RTN3: variants seen among roughly 807,000 people sequenced by gnomAD.
The protein encoded by RTN3 is reticulon 3.
RTN3 carries 49 observed loss-of-function variants against 77.8 expected under a neutral mutation model. That is an observed-to-expected ratio of 0.63 (90% confidence interval 0.50 to 0.80). The LOEUF is 0.80. RTN3 is among the 30% of genes least tolerant of loss of function. The probability of loss-of-function intolerance (pLI) is 0.00; values close to 1 mark genes in which losing one functional copy is unlikely to be tolerated. For synonymous variants in RTN3, 464 were observed against 446.9 expected (o/e 1.04, Z -0.48); for missense variants, 1,236 against 1,211.9 (o/e 1.02, Z -0.29).
intron 3 of RTN3, among the ~76,000 whole-genome samples, chr11:63,729,831 C>T (rs1222794622): frequency 6.6e-6 from 1 of 151,504 alleles, no homozygotes; most frequent in East Asian, 1.9e-4. Flanking sequence ...GCTCTGTCAC[C>T]CAGGCTGTAG....
In RTN3 at chr11:63,721,037, C is replaced by T; in HGVS notation, c.2530+5C>T. On this transcript the variant is annotated splice_donor_5th_base_variant and intron_variant, in intron 3 of 8. Transcript: ENST00000377819. ...GACTTCTGACAGACTTCTCAGGTAACCATTTATATTAGAATACTGCATGTG... is the reference window on the plus strand; with the variant it reads ...GACTTCTGACAGACTTCTCAGGTAATCATTTATATTAGAATACTGCATGTG... 6.3e-7 allele frequency: 1 copy of T among 1,577,938 alleles called. No individual in the cohort carries two copies. The highest frequency in any genetic ancestry group is 8.6e-7 in the Non-Finnish European group (1 of 1,161,682).
intron 3 of RTN3, among the ~76,000 whole-genome samples, chr11:63,726,816 C>G (rs1026525614): frequency 6.7e-6 from 1 of 149,762 alleles, no homozygotes; most frequent in Non-Finnish European, 1.5e-5. Context: ...GAGCCAAGAT[C>G]ATGCCATTGC....
intron 1 of RTN3, among the ~76,000 whole-genome samples, chr11:63,685,318 A>T (rs1941307244): frequency 6.6e-6 from 1 of 151,490 alleles, no homozygotes; most frequent in Admixed American, 6.6e-5. Context: ...AACATGGTGG[A>T]ACCCTGTCTC....
chr11:63,742,227 C>T (rs1352924324), intron 3 of RTN3, among the ~76,000 whole-genome samples: 1 of 151,436 alleles, frequency 6.6e-6, no homozygotes, highest in African/African-American at 2.4e-5. Flanking sequence ...GATCCACCTG[C>T]CTCGGCCTCC....
At chr11:63,704,488 A>G (rs979924994) in intron 1 of RTN3, among the ~76,000 whole-genome samples, 6 of 152,322 alleles carry the variant, frequency 3.9e-5, no homozygotes, top group African/African-American at 1.4e-4. Context: ...GCAAATATTA[A>G]TTAGTATTCA....
chr11:63,682,697 C>T (rs1179531886), intron 1 of RTN3, among the ~76,000 whole-genome samples: 1 of 152,122 alleles, frequency 6.6e-6, no homozygotes, highest in East Asian at 1.9e-4. Flanking sequence ...GGTTGAGTCC[C>T]CTTCTCCCAT....
intron 1 of RTN3, among the ~76,000 whole-genome samples, chr11:63,687,041 A>G (rs562215414): frequency 7.4e-4 from 113 of 152,172 alleles, no homozygotes; most frequent in Non-Finnish European, 1.1e-3. Flanking sequence ...GTTCTACCAT[A>G]TTAATCAAAT....
Position 63,748,753 on chromosome 11 carries a change from C to T in RTN3, c.2531-1238C>T, listed in dbSNP as rs372209493. Among the ~76,000 whole-genome samples, 6 of 150,986 alleles carry T rather than the reference C, an allele frequency of 4.0e-5. No homozygotes were observed. The East Asian group carries it at 7.8e-4, about 20-fold the overall frequency. On this transcript the variant is annotated intron_variant, in intron 3 of 8. Transcript: ENST00000377819. ...CGCGATCTCGGCTCACTGCAGCCTC[C>T]GCTTCCCGGGTTCAAGCGATTCTCC...
rs496354 is a variant in RTN3 at position 63,754,368 on chromosome 11, A to G, written c.2994+660A>G. Among the ~76,000 whole-genome samples, 1,002 of 152,268 alleles carry G rather than the reference A, an allele frequency of 6.6e-3. 11 individuals are homozygous for G. The highest frequency in any genetic ancestry group is 0.023 in the African/African-American group (948 of 41,548). ...CAGGAGTTCGAGACCAGCCTGGCCA[A>G]CATGGTAAAACTTCATCTCTACTAA... On this transcript the variant is annotated intron_variant, in intron 7 of 8. Coordinates refer to ENST00000377819, the MANE Select transcript of RTN3 (RefSeq NM_001265589.2).
chr11:63,758,076 A>G, intron 8 of RTN3, 80 bp from the exon 9 acceptor site: 2 of 994,674 alleles, frequency 2.0e-6, no homozygotes, highest in Non-Finnish European at 3.0e-6. Flanking sequence ...ACTGTCCTCT[A>G]GCATCACAGT....
chr11:63,697,939 A>G (rs1302592998), intron 1 of RTN3, among the ~76,000 whole-genome samples: 5 of 151,764 alleles, frequency 3.3e-5, no homozygotes, highest in African/African-American at 4.8e-5. Flanking sequence ...CTTTCCCTCA[A>G]CGTTGCCTCT....
At chr11:63,711,853 C>T (rs982375714) in intron 2 of RTN3, among the ~76,000 whole-genome samples, 5 of 152,068 alleles carry the variant, frequency 3.3e-5, no homozygotes, top group Admixed American at 1.3e-4. Flanking sequence ...CGTGAGCCAC[C>T]GCGCTGGGCC....
Position 63,735,498 on chromosome 11 carries a change from A to T in RTN3, c.2530+14466A>T, listed in dbSNP as rs568127094. On this transcript the variant is annotated intron_variant, in intron 3 of 8. Transcript: ENST00000377819. The stretch of plus-strand genomic sequence containing the variant: ...TCAGTGTTGTTAAGATGTCAGTCCT[A>T]CTCACACTGATCTATGGATTCAAGA... Among the ~76,000 whole-genome samples, 6 of 150,722 alleles carry T rather than the reference A, an allele frequency of 4.0e-5. No homozygotes were observed. In the South Asian group the frequency reaches 1.3e-3, roughly 32 times the overall value.
At chr11:63,683,840 A>C (rs1941195871) in intron 1 of RTN3, among the ~76,000 whole-genome samples, 3 of 150,842 alleles carry the variant, frequency 2.0e-5, no homozygotes. Flanking sequence ...GTAGAATTAT[A>C]TCGTGAAGTG....
In RTN3 at chr11:63,683,943, C is replaced by CTTTTTTTTTTTT. The variant is rs35837590; in HGVS notation, c.142+2183_142+2194dup. On this transcript the variant is annotated intron_variant, in intron 1 of 8. Coordinates refer to ENST00000377819, the MANE Select transcript of RTN3 (RefSeq NM_001265589.2). The stretch of plus-strand genomic sequence containing the variant: ...TATTTCTTTCTCTTTTCTTTTCTTT[C>CTTTTTTTTTTTT]TTTTTTTTTTTTTTTTTTTTTTTTT... Among the ~76,000 whole-genome samples, 9 of 58,946 alleles carry CTTTTTTTTTTTT rather than the reference C, an allele frequency of 1.5e-4. 1 individual carries two copies. The highest frequency in any genetic ancestry group is 5.0e-4 in the South Asian group (1 of 1,984). The allele number at this position is 58,946 out of a possible 152,430, so 38.7% of individuals were successfully genotyped here.
intron 3 of RTN3, among the ~76,000 whole-genome samples, chr11:63,731,456 T>C (rs1400340755): frequency 6.6e-6 from 1 of 152,122 alleles, no homozygotes; most frequent in Non-Finnish European, 1.5e-5. Flanking sequence ...AATGAAGATA[T>C]CTATGATGAA....
At position 63,720,105 on chromosome 11, in the gene RTN3, G is replaced by C; in HGVS notation, c.1603G>C (p.Gly535Arg). Residue 535 changes from glycine to arginine, a missense_variant, in exon 3 of 9, where the codon GGT becomes CGT. Gly to Arg is a moderately radical substitution (Grantham distance 125). Coordinates refer to ENST00000377819, the MANE Select transcript of RTN3 (RefSeq NM_001265589.2). ...VSIPSAVVKTGEREIKEIPSC... is the reference protein window; with the variant it reads ...VSIPSAVVKTREREIKEIPSC... ...CATTCCAAGTGCTGTTGTAAAAACA[G>C]GTGAAAGAGAAATCAAAGAGATTCC... The C allele has an allele frequency of 6.2e-7, 1 of 1,613,122 alleles. No homozygotes were observed. Among genetic ancestry groups the C allele is most frequent in the South Asian group, 1.1e-5 (1 of 90,726 alleles).
chr11:63,705,832 T>A (rs1942468456), intron 2 of RTN3, among the ~76,000 whole-genome samples: 2 of 152,192 alleles, frequency 1.3e-5, no homozygotes, highest in South Asian at 4.1e-4. Context: ...GGGAAGGGAA[T>A]CAGTTTGTGG....
chr11:63,739,397 A>C (rs1249675840), intron 3 of RTN3, among the ~76,000 whole-genome samples: 3 of 152,202 alleles, frequency 2.0e-5, no homozygotes, highest in African/African-American at 4.8e-5. Context: ...ACTTCCCTGT[A>C]GGACTTTAGG....
Sources: allele counts gnomAD v4.1 joint callset (sites outside exome capture counted in the v4.1 genomes callset), GRCh38; gene constraint gnomAD v4.1.1; transcripts MANE v1.5; gene names NCBI Gene and HGNC (gene_info 2026-07-23, HGNC 2026-07-21).